Variants in PPP2R2B observed in about 807,000 individuals in gnomAD.
PPP2R2B encodes the protein protein phosphatase 2 regulatory subunit Bbeta.
Under a neutral mutation model 46.0 loss-of-function variants are expected in PPP2R2B, and 5 were observed. The observed-to-expected ratio is 0.11, with a 90% CI of 0.06 to 0.23. The LOEUF is 0.23. PPP2R2B is among the 10% of genes least tolerant of loss of function. PPP2R2B has a pLI of 1.00. For missense variants in PPP2R2B, 367 were observed against 575.0 expected (o/e 0.64, Z 3.70); for synonymous variants, 215 against 206.7 (o/e 1.04, Z -0.34).
chr5:146,766,470 A>T (rs2151261715), intron 2 of PPP2R2B, among the ~76,000 whole-genome samples: 1 of 152,320 alleles, frequency 6.6e-6, no homozygotes, highest in South Asian at 2.1e-4. Context: ...CAGGCAGGTG[A>T]AAAGAACCAA....
chr5:146,912,736 T>G (rs2151807131), intron 1 of PPP2R2B, among the ~76,000 whole-genome samples: 1 of 152,192 alleles, frequency 6.6e-6, no homozygotes, highest in South Asian at 2.1e-4. Flanking sequence ...CTTGAACTCC[T>G]GACCTTGTGA....
At chr5:146,852,501 C>T (rs556272881) in intron 2 of PPP2R2B, among the ~76,000 whole-genome samples, 2 of 152,220 alleles carry the variant, frequency 1.3e-5, no homozygotes, top group African/African-American at 4.8e-5. Context: ...TATCAGGCCA[C>T]GAGCAGGACT....
At chr5:146,867,141 T>G (rs1393904935) in intron 2 of PPP2R2B, among the ~76,000 whole-genome samples, 1 of 152,196 alleles carries the variant, frequency 6.6e-6, no homozygotes, top group Non-Finnish European at 1.5e-5. Context: ...TCAAAAGACT[T>G]GACAAAGCAT....
intron 5 of PPP2R2B, among the ~76,000 whole-genome samples, chr5:146,688,435 C>T (rs971889540): frequency 2.4e-4 from 36 of 151,934 alleles, no homozygotes; most frequent in African/African-American, 8.7e-4. Flanking sequence ...TCCTCTGGGC[C>T]TCCTCTCTGG....
chr5:146,969,044 T>C (rs1274231482), intron 1 of PPP2R2B, among the ~76,000 whole-genome samples: 1 of 152,252 alleles, frequency 6.6e-6, no homozygotes, highest in Non-Finnish European at 1.5e-5. Flanking sequence ...AACTCCAGCC[T>C]ACCACTGGTT....
intron 1 of PPP2R2B, among the ~76,000 whole-genome samples, chr5:146,953,630 G>A (rs1751731447): frequency 6.6e-6 from 1 of 152,146 alleles, no homozygotes; most frequent in Admixed American, 6.6e-5. Context: ...CCCACCAAGT[G>A]AAGAAGTTAA....
At chr5:146,594,799 A>G (rs1771002661) in intron 8 of PPP2R2B, among the ~76,000 whole-genome samples, 1 of 152,116 alleles carries the variant, frequency 6.6e-6, no homozygotes, top group Non-Finnish European at 1.5e-5. Flanking sequence ...GTGATAATGA[A>G]CTCAAGTGAG....
chr5:146,849,959 CTA>C (rs2151380942), intron 2 of PPP2R2B, among the ~76,000 whole-genome samples: 1 of 152,226 alleles, frequency 6.6e-6, no homozygotes, highest in South Asian at 2.1e-4. Context: ...TCTCACACTT[CTA>C]GGAAGGAAAA....
chr5:146,813,435 C>T (rs949428335), intron 2 of PPP2R2B, among the ~76,000 whole-genome samples: 1 of 152,104 alleles, frequency 6.6e-6, no homozygotes, highest in African/African-American at 2.4e-5. Context: ...TAGTATGCCC[C>T]TCCAAAACCA....
intron 2 of PPP2R2B, among the ~76,000 whole-genome samples, chr5:146,827,767 G>A (rs1241355399): frequency 6.6e-6 from 1 of 152,120 alleles, no homozygotes; most frequent in East Asian, 1.9e-4. Flanking sequence ...ATATTACTGA[G>A]GGTAGAAGAG....
chr5:146,869,857 G>T (rs1761512973), intron 2 of PPP2R2B, among the ~76,000 whole-genome samples: 1 of 152,128 alleles, frequency 6.6e-6, no homozygotes, highest in African/African-American at 2.4e-5. Context: ...AGTGTCTCTA[G>T]CCCTAACCTG....
At chr5:146,796,690 G>A (rs1319283911) in intron 2 of PPP2R2B, among the ~76,000 whole-genome samples, 1 of 152,116 alleles carries the variant, frequency 6.6e-6, no homozygotes, top group Admixed American at 6.6e-5. Context: ...TACAAACCTA[G>A]GGTAGAAAAG....
chr5:146,786,643 C>A (rs992996439), intron 2 of PPP2R2B, among the ~76,000 whole-genome samples: 15 of 152,138 alleles, frequency 9.9e-5, no homozygotes, highest in African/African-American at 3.6e-4. Context: ...CCCTTTTAGT[C>A]CTTTGCCCAT....
intron 7 of PPP2R2B, among the ~76,000 whole-genome samples, chr5:146,627,700 G>T (rs1199690208): frequency 1.3e-5 from 2 of 152,164 alleles, no homozygotes; most frequent in African/African-American, 4.8e-5. Context: ...TCTGGGGCAA[G>T]TTTCCTCACC....
intron 2 of PPP2R2B, among the ~76,000 whole-genome samples, chr5:146,773,507 T>G (rs142234014): frequency 3.1e-4 from 47 of 152,330 alleles, no homozygotes; most frequent in African/African-American, 1.0e-3. Context: ...TGAAACAGAA[T>G]GCATTCTCCA....
At chr5:146,965,897 T>C (rs1457043322) in intron 1 of PPP2R2B, among the ~76,000 whole-genome samples, 1 of 152,218 alleles carries the variant, frequency 6.6e-6, no homozygotes, top group Admixed American at 6.5e-5. Context: ...TCGCTGATCC[T>C]CAGATCCTTC....
intron 1 of PPP2R2B, among the ~76,000 whole-genome samples, chr5:146,912,271 G>A (rs1389519210): frequency 1.7e-4 from 24 of 142,170 alleles, no homozygotes; most frequent in East Asian, 6.5e-4. Context: ...AGTTCCCTAA[G>A]AGAGGTACAG....
chr5:147,043,955 G>A (rs1232998601), intron 1 of PPP2R2B, among the ~76,000 whole-genome samples: 1 of 151,734 alleles, frequency 6.6e-6, no homozygotes, highest in African/African-American at 2.4e-5. Context: ...GTGACTTTGG[G>A]CAACTTACTT....
At chr5:146,807,042 A>C (rs1238317968) in intron 2 of PPP2R2B, among the ~76,000 whole-genome samples, 1 of 152,160 alleles carries the variant, frequency 6.6e-6, no homozygotes, top group African/African-American at 2.4e-5. Flanking sequence ...TATGGATCCT[A>C]GACTAGGAGC....
Sources: allele counts gnomAD v4.1 joint callset (sites outside exome capture counted in the v4.1 genomes callset), GRCh38; gene constraint gnomAD v4.1.1; transcripts MANE v1.5; gene names NCBI Gene and HGNC (gene_info 2026-07-23, HGNC 2026-07-21).